The following ADAM23 variants were observed in gnomAD, a reference collection of about 807,000 sequenced individuals.
The protein encoded by ADAM23 is disintegrin and metalloproteinase domain-containing protein 23.
In ADAM23, 33 loss-of-function variants were observed where a neutral mutation model predicts 120.1. The observed-to-expected ratio is 0.27, with a 90% confidence interval of 0.21 to 0.37. The LOEUF (loss-of-function observed/expected upper bound fraction) is 0.37. ADAM23 is among the 10% of genes least tolerant of loss of function. The pLI is 1.00. For missense variants in ADAM23, 862 were observed against 1,058.2 expected (o/e 0.81, Z 2.57); for synonymous variants, 367 against 375.2 (o/e 0.98, Z 0.25).
intron 2 of ADAM23, among the ~76,000 whole-genome samples, chr2:206,473,090 G>T (rs994286468): frequency 6.6e-6 from 1 of 152,022 alleles, no homozygotes; most frequent in Non-Finnish European, 1.5e-5. Context: ...TGTCATTCTT[G>T]TAAAATGCTT....
chr2:206,514,353 G>A (rs6730048), intron 3 of ADAM23, among the ~76,000 whole-genome samples: 2,163 of 152,008 alleles, frequency 0.014, 27 homozygotes, highest in South Asian at 0.037. Context: ...GATTTCAACC[G>A]TCATGGATGA....
At chr2:206,550,236 C>T (rs1487236494) in intron 9 of ADAM23, 76 bp downstream of exon 9, 2 of 905,612 alleles carry the variant, frequency 2.2e-6, no homozygotes, top group Non-Finnish European at 3.2e-6. Context: ...TATAGTTAAT[C>T]ATTATTTTTT....
intron 9 of ADAM23, among the ~76,000 whole-genome samples, chr2:206,555,802 T>TCAG (rs1191872385): frequency 6.6e-6 from 1 of 152,192 alleles, no homozygotes; most frequent in Non-Finnish European, 1.5e-5. Flanking sequence ...AGAATAGATA[T>TCAG]CAGCTAATGT....
At chr2:206,551,692 G>A (rs766161445) in intron 9 of ADAM23, among the ~76,000 whole-genome samples, 18 of 152,100 alleles carry the variant, frequency 1.2e-4, no homozygotes, top group Non-Finnish European at 2.4e-4. Flanking sequence ...AGAATGCCTT[G>A]AAACTAGAAA....
chr2:206,548,014 A>G (rs1021957193), intron 7 of ADAM23, among the ~76,000 whole-genome samples: 7 of 152,220 alleles, frequency 4.6e-5, no homozygotes, highest in Admixed American at 1.3e-4. Context: ...AACTCTGTCA[A>G]ATTTTCAGAT....
At chr2:206,515,786 T>A (rs1209234134) in intron 3 of ADAM23, among the ~76,000 whole-genome samples, 1 of 152,078 alleles carries the variant, frequency 6.6e-6, no homozygotes, top group Non-Finnish European at 1.5e-5. Flanking sequence ...GAAAGTTGCC[T>A]TTTGTTCTCT....
intron 2 of ADAM23, among the ~76,000 whole-genome samples, chr2:206,458,554 G>A (rs1695349436): frequency 6.6e-6 from 1 of 152,198 alleles, no homozygotes; most frequent in African/African-American, 2.4e-5. Context: ...TACTGTAGGG[G>A]TGTAAAGAAG....
chr2:206,546,181 A>G (rs16838320), intron 6 of ADAM23, among the ~76,000 whole-genome samples: 10,669 of 152,176 alleles, frequency 0.07, 464 homozygotes, highest in Admixed American at 0.15. Context: ...TTGGTTATGT[A>G]ATGATTTGTC....
At chr2:206,499,498 TG>T (rs1696335965) in intron 3 of ADAM23, among the ~76,000 whole-genome samples, 1 of 55,860 alleles carries the variant, frequency 1.8e-5, no homozygotes, top group African/African-American at 7.3e-5. Context: ...TGTTGTGGGG[TG>T]GGGGGAGGGG....
At chr2:206,570,233 G>T (rs1421877158) in intron 15 of ADAM23, among the ~76,000 whole-genome samples, 2 of 152,132 alleles carry the variant, frequency 1.3e-5, no homozygotes, top group Non-Finnish European at 2.9e-5. Context: ...GAGAATGATG[G>T]TCTTGGATTT....
chr2:206,597,696 C>T (rs1698556659), intron 24 of ADAM23, among the ~76,000 whole-genome samples: 1 of 152,146 alleles, frequency 6.6e-6, no homozygotes. Flanking sequence ...TATCATGGTA[C>T]TGCTAACAGT....
At chr2:206,594,327 T>A (rs943730820) in intron 22 of ADAM23, among the ~76,000 whole-genome samples, 2 of 152,190 alleles carry the variant, frequency 1.3e-5, no homozygotes, top group Non-Finnish European at 2.9e-5. Flanking sequence ...TTTCAAAATA[T>A]TTTTCATTTG....
At chr2:206,497,080 G>C (rs1249451254) in intron 3 of ADAM23, among the ~76,000 whole-genome samples, 3 of 152,170 alleles carry the variant, frequency 2.0e-5, no homozygotes, top group Non-Finnish European at 4.4e-5. Context: ...GGTACAAGGA[G>C]GAGCTGGTAC....
chr2:206,566,527 T>C (rs571887770), intron 14 of ADAM23, among the ~76,000 whole-genome samples: 2 of 152,286 alleles, frequency 1.3e-5, no homozygotes, highest in South Asian at 4.1e-4. Flanking sequence ...CATAGAGATA[T>C]TATATTTGAT....
rs1699003435 is a variant in ADAM23, at chr2:206,619,538, A to C, written c.*1911A>C. 6.6e-6 allele frequency: 1 copy of C among 151,404 alleles called. No homozygotes were observed. 9.4% of individuals were successfully genotyped at this position (151,404 alleles called of 1,614,324 possible). On this transcript the variant is annotated 3_prime_UTR_variant, in exon 26 of 26. Transcript: ENST00000264377. ...CCCCCCTTTTTTTTTTAGGAAAAGA[A>C]CATGCAGTTTTACTCATCACTTCTT...
At position 206,495,524 on chromosome 2, in the gene ADAM23, C is replaced by T. The variant is rs866103253; in HGVS notation, c.509+14216C>T. Among the ~76,000 whole-genome samples the T allele has an allele frequency of 7.2e-3, 1,083 of 149,834 alleles. 15 individuals carry two copies. Among genetic ancestry groups the T allele is most frequent in the African/African-American group, 0.025 (1,020 of 40,552 alleles). On this transcript the variant is annotated intron_variant, in intron 3 of 25. Transcript: ENST00000264377. ...AGCACTAAACATGGAAAGGAACAACCGGTACCAGCCACTGCAAAAACATGC... is the reference window on the plus strand; with the variant it reads ...AGCACTAAACATGGAAAGGAACAACTGGTACCAGCCACTGCAAAAACATGC...
At chr2:206,459,161 C>T (rs960264719) in intron 2 of ADAM23, among the ~76,000 whole-genome samples, 2 of 152,100 alleles carry the variant, frequency 1.3e-5, no homozygotes, top group Non-Finnish European at 2.9e-5. Context: ...CTCTGCAGAA[C>T]GTTTAGACTG....
At chr2:206,451,321 T>C (rs1428395137) in intron 2 of ADAM23, among the ~76,000 whole-genome samples, 1 of 152,106 alleles carries the variant, frequency 6.6e-6, no homozygotes, top group Non-Finnish European at 1.5e-5. Flanking sequence ...CTCACTGCAG[T>C]CTCTGCCTCT....
intron 3 of ADAM23, among the ~76,000 whole-genome samples, chr2:206,482,814 G>A (rs750482322): frequency 2.6e-5 from 4 of 152,172 alleles, no homozygotes; most frequent in African/African-American, 4.8e-5. Context: ...CAGGCTGGAG[G>A]AGTGTGAAAA....
Sources: gnomAD v4.1 joint callset for allele counts (sites outside exome capture counted in the v4.1 genomes callset) on GRCh38, gnomAD v4.1.1 for gene constraint, MANE v1.5 for transcripts, NCBI Gene and HGNC (gene_info 2026-07-23, HGNC 2026-07-21) for gene names.